The following DMKN variants were observed in gnomAD, a reference collection of about 807,000 sequenced individuals.
The protein encoded by DMKN is epidermis-specific secreted protein SK30/SK89.
In DMKN, 58 loss-of-function variants were observed where a neutral mutation model predicts 67.6. That is an observed-to-expected ratio of 0.86 (90% CI 0.69 to 1.07). The LOEUF (loss-of-function observed/expected upper bound fraction) is 1.07. Ranked by LOEUF, DMKN falls within the 50% of genes least tolerant of loss-of-function variation. The probability of loss-of-function intolerance (pLI) is 0.00; values close to 1 mark genes in which losing one functional copy is unlikely to be tolerated. For synonymous variants in DMKN, 240 were observed against 232.3 expected (o/e 1.03, Z -0.30); for missense variants, 596 against 601.5 (o/e 0.99, Z 0.10).
In DMKN at chr19:35,501,118, C is replaced by G. The variant is rs528025647; in HGVS notation, c.1240-538G>C. ...AGACACTGCAGATGCACCGGACACCCCCCCCAGCCCCAGCGCAAGAGGAGA... is the reference window on the plus strand; with the variant it reads ...AGACACTGCAGATGCACCGGACACCGCCCCCAGCCCCAGCGCAAGAGGAGA... On this transcript the variant is annotated intron_variant, in intron 11 of 15. Transcript: ENST00000339686. 7.4e-4 allele frequency among the ~76,000 whole-genome samples: 113 copies of G among 152,248 alleles called. 1 individual carries two copies. In the South Asian group the frequency reaches 0.021, roughly 28 times the overall value.
At position 35,505,844 on chromosome 19, in the gene DMKN, A is replaced by G. The variant is rs1219790638; in HGVS notation, c.1087-79T>C. 3 of 1,613,512 alleles carry G rather than the reference A, an allele frequency of 1.9e-6. No homozygotes were observed. In the African/African-American group the frequency reaches 4.0e-5, roughly 22 times the overall value. On this transcript the variant is annotated intron_variant, in intron 8 of 15. Coordinates refer to ENST00000339686, the MANE Select transcript of DMKN (RefSeq NM_033317.5). ...CGAGAGAGGTCAAGGGCCACTGCTG[A>G]CTGTTGGTTTAGAAAGAGGACCCCA...
At chr19:35,510,021 CA>C in intron 6 of DMKN, 60 bp from the exon 7 acceptor site, 2 of 1,607,396 alleles carry the variant, frequency 1.2e-6, no homozygotes, top group Non-Finnish European at 1.7e-6. Flanking sequence ...GTCCCAGCCC[CA>C]AAATGGCAGC....
chr19:35,504,756 G>T (rs988875958), intron 9 of DMKN, among the ~76,000 whole-genome samples: 10 of 151,806 alleles, frequency 6.6e-5, no homozygotes, highest in African/African-American at 2.4e-4. Context: ...TTACATTAAA[G>T]GCCAGAAACT....
intron 5 of DMKN, 172 bp from the exon 6 acceptor site, chr19:35,510,424 G>A: frequency 6.4e-7 from 1 of 1,552,384 alleles, no homozygotes. Context: ...GTTATTCCGA[G>A]CATGGAGAAG....
Position 35,512,143 on chromosome 19 carries a change from G to A in DMKN, c.684+278C>T, listed in dbSNP as rs561620135. ...CTCCCAAGTGGCTGCAATTACAGGC[G>A]CATGCCACTATGACCGGCTGATTTT... On this transcript the variant is annotated intron_variant, in intron 3 of 15. Transcript: ENST00000339686. Among the ~76,000 whole-genome samples, 16 of 152,112 alleles carry A rather than the reference G, an allele frequency of 1.1e-4. No homozygotes were observed. The South Asian group carries it at 1.2e-3, about 12-fold the overall frequency.
Position 35,510,612 on chromosome 19 carries a change from C to G in DMKN, c.919-360G>C, listed in dbSNP as rs2070579923. On this transcript the variant is annotated intron_variant, in intron 5 of 15. Transcript: ENST00000339686. ...AGCCCTCACCTGGGAGCGGCCGTAG[C>G]TGCCTTGGTCACCATTCCCAGAACT... 3 of 1,439,574 alleles carry G rather than the reference C, an allele frequency of 2.1e-6. No individual in the cohort carries two copies. The South Asian group carries it at 4.2e-5, about 20-fold the overall frequency. The allele number at this position is 1,439,574 out of a possible 1,614,324, so 89.2% of individuals were successfully genotyped here. A position where few individuals can be genotyped will look rare whatever the true frequency, so the allele number is the denominator to read the frequency against.
chr19:35,508,233 C>T, intron 7 of DMKN: 1 of 1,552,208 alleles, frequency 6.4e-7, no homozygotes, highest in Non-Finnish European at 8.7e-7. Flanking sequence ...TCCCTGTCCT[C>T]TGAAGCCCTG....
rs1322329585 is a variant in DMKN at position 35,500,195 on chromosome 19, G to C, written c.1288-166C>G. 3 of 1,166,898 alleles carry C rather than the reference G, an allele frequency of 2.6e-6. No individual in the cohort carries two copies. The African/African-American group carries it at 4.6e-5, about 18-fold the overall frequency. The allele number at this position is 1,166,898 out of a possible 1,614,324, so 72.3% of individuals were successfully genotyped here. On this transcript the variant is annotated intron_variant, in intron 12 of 15. Coordinates refer to ENST00000339686, the MANE Select transcript of DMKN (RefSeq NM_033317.5). ...TTATACAATCTCCTCCAGCCAGCCA[G>C]GGCCCCCACCCTCACCTGCCTTTAC...
Position 35,513,327 on chromosome 19 carries a change from C to A in DMKN, c.149G>T (p.Gly50Val), listed in dbSNP as rs373152899. ...GHGLGDALSE[G>V]VGKAIGKEAG... is the part of the protein sequence containing the mutation. ...CTCTTTGCCAATGGCCTTTCCCACC[C>A]CTTCGCTCAGGGCGTCTCCCAGGCC... is the stretch of plus-strand genomic sequence containing the variant. Residue 50 changes from glycine (G) to valine (V), a missense_variant, in exon 1 of 16, where the codon GGG becomes GTG. By Grantham distance (109) the Gly-to-Val change is moderately radical. Coordinates refer to ENST00000339686, the MANE Select transcript of DMKN (RefSeq NM_033317.5). The A allele has an allele frequency of 1.2e-6, 2 of 1,614,092 alleles. No individual in the cohort carries two copies. The highest frequency in any genetic ancestry group is 4.5e-5 in the East Asian group (2 of 44,898).
At chr19:35,509,668 A>G (rs118095355) in intron 7 of DMKN, 21 of 492,884 alleles carry the variant, frequency 4.3e-5, no homozygotes, top group East Asian at 4.2e-4. Context: ...ACCGGTTTAC[A>G]TGGAATTTCT....
chr19:35,507,363 A>G, intron 7 of DMKN: 2 of 1,279,982 alleles, frequency 1.6e-6, no homozygotes, highest in South Asian at 2.7e-5. Flanking sequence ...AGCAGCTTGC[A>G]AGAAGAAACT....
chr19:35,500,417 C>T lies in DMKN; in HGVS notation c.1287+116G>A, dbSNP rs61745872. On this transcript the variant is annotated intron_variant, in intron 12 of 15. Transcript: ENST00000339686. The stretch of plus-strand genomic sequence containing the variant: ...CTGCCACCTCCTGCCATCCTGCACC[C>T]GGCTGAGAAAGCCATTGAATGGAGG... The T allele has an allele frequency of 3.9e-4, 612 of 1,552,408 alleles. 2 individuals carry two copies. In the African/African-American group the frequency reaches 7.1e-3, roughly 18 times the overall value.
In DMKN at chr19:35,498,846, CAGATGAAGATCAGG is replaced by C; in HGVS notation, c.1383+14_1383+27del. On this transcript the variant is annotated intron_variant, in intron 14 of 15. Coordinates refer to ENST00000339686, the MANE Select transcript of DMKN (RefSeq NM_033317.5). Reference sequence around the variant, plus strand: ...GCCTCAGGCCCCTTCTCTCTCCAGCCAGATGAAGATCAGGCCCCCATACTCACCGAGGAAGAAGG... The same window carrying C: ...GCCTCAGGCCCCTTCTCTCTCCAGCCCCCCCATACTCACCGAGGAAGAAGG... 6.2e-7 allele frequency: 1 copy of C among 1,614,196 alleles called. No individual in the cohort carries two copies. Among genetic ancestry groups the C allele is most frequent in the Admixed American group, 1.7e-5 (1 of 60,022 alleles).
chr19:35,507,611 G>T, intron 7 of DMKN: 1 of 1,009,594 alleles, frequency 9.9e-7, no homozygotes, highest in South Asian at 1.4e-5. Flanking sequence ...TCCTGAATCG[G>T]GGGACTGAGA....
chr19:35,508,170 CA>C, intron 7 of DMKN: 1 of 1,551,794 alleles, frequency 6.4e-7, no homozygotes, highest in Non-Finnish European at 8.7e-7. Context: ...TTACTACCGG[CA>C]CAGTCTCTGA....
chr19:35,512,872 A>G (rs2146251377), intron 1 of DMKN, 82 bp from the exon 2 acceptor site: 1 of 1,537,572 alleles, frequency 6.5e-7, no homozygotes, highest in South Asian at 1.2e-5. Context: ...TAAAGAGACC[A>G]GGAGAGAGAC....
intron 11 of DMKN, among the ~76,000 whole-genome samples, chr19:35,501,090 T>G (rs1193465052): frequency 6.6e-6 from 1 of 152,060 alleles, no homozygotes; most frequent in African/African-American, 2.4e-5. Context: ...ATAAAGCAAC[T>G]TAAGACACTG....
chr19:35,503,975 G>T (rs553595825), intron 9 of DMKN, among the ~76,000 whole-genome samples: 1 of 152,154 alleles, frequency 6.6e-6, no homozygotes, highest in East Asian at 1.9e-4. Flanking sequence ...GTTCCCCTCT[G>T]CTCCCTCCTC....
chr19:35,501,849 C>T (rs1410354701), intron 11 of DMKN: 3 of 1,582,250 alleles, frequency 1.9e-6, no homozygotes. Context: ...TGGGTCCAGG[C>T]CAGGCCCAGC....
Sources: allele counts gnomAD v4.1 joint callset (sites outside exome capture counted in the v4.1 genomes callset), GRCh38; gene constraint gnomAD v4.1.1; transcripts MANE v1.5; gene names NCBI Gene and HGNC (gene_info 2026-07-23, HGNC 2026-07-21).